THBS2: variants seen among roughly 807,000 people sequenced by gnomAD.
The protein encoded by THBS2 is thrombospondin 2, also known as thrombospondin-2.
In THBS2, 47 loss-of-function variants were observed where a neutral mutation model predicts 135.2. That is an observed-to-expected ratio of 0.35 (90% confidence interval 0.28 to 0.44). The LOEUF (loss-of-function observed/expected upper bound fraction) is 0.44, where lower values mean the gene tolerates loss of function less well. Ranked by LOEUF, THBS2 falls within the 20% of genes least tolerant of loss-of-function variation. The probability of loss-of-function intolerance (pLI) is 1.00; values close to 1 mark genes in which losing one functional copy is unlikely to be tolerated. For missense variants in THBS2, 1,288 were observed against 1,603.1 expected (o/e 0.80, Z 3.36); for synonymous variants, 639 against 633.8 (o/e 1.01, Z -0.12).
intron 13 of THBS2, among the ~76,000 whole-genome samples, chr6:169,231,207 G>A (rs905954085): frequency 1.3e-5 from 2 of 152,168 alleles, no homozygotes; most frequent in African/African-American, 4.8e-5. Flanking sequence ...TTATCTGGGT[G>A]GGCCCTAAAT....
chr6:169,242,634 A>ACTCCCACCTTCCCACCC (rs1780362130), intron 4 of THBS2, among the ~76,000 whole-genome samples: 1 of 5,640 alleles, frequency 1.8e-4, no homozygotes, highest in African/African-American at 1.3e-3. Flanking sequence ...CCTTCCCACC[A>ACTCCCACCTTCCCACCC]CTCCCACCTT....
intron 9 of THBS2, among the ~76,000 whole-genome samples, chr6:169,236,485 CTCACTCTCCACAT>C (rs1780080767): frequency 2.5e-5 from 2 of 78,742 alleles, no homozygotes; most frequent in Non-Finnish European, 3.1e-5. Flanking sequence ...CCCATCCACA[CTCACTCTCCACAT>C]TCACTCCCAT....
Position 169,232,743 on chromosome 6 carries a change from T to A in THBS2, c.1853A>T (p.His618Leu), listed in dbSNP as rs1376772655. ...GTATCGGGGCGGGCAGGGCAGGCAGTGGAAGCCAGGCTGAGTGTTGACACA... is the reference window on the plus strand; with the variant it reads ...GTATCGGGGCGGGCAGGGCAGGCAGAGGAAGCCAGGCTGAGTGTTGACACA... ...PRCVNTQPGF[H>L]CLPCPPRYRG... Residue 618 changes from histidine (H) to leucine (L), a missense_variant, in exon 12 of 22, where the codon CAC becomes CTC. Around this residue, in one of 2 missense-constraint regions of THBS2, gnomAD observed 874 missense variants for 1,156.1 expected, o/e 0.76. Transcript: ENST00000617924. 1.2e-6 allele frequency: 2 copies of A among 1,613,860 alleles called. No homozygotes were observed. Among genetic ancestry groups the A allele is most frequent in the East Asian group, 4.5e-5 (2 of 44,888 alleles).
intron 3 of THBS2, among the ~76,000 whole-genome samples, chr6:169,247,131 T>A (rs1780578584): frequency 6.6e-6 from 1 of 152,210 alleles, no homozygotes; most frequent in Non-Finnish European, 1.5e-5. Context: ...ATAGGGTTGA[T>A]TCCTTGATCA....
chr6:169,237,170 T>C lies in THBS2; in HGVS notation c.1477A>G (p.Ile493Val). The C allele has an allele frequency of 6.2e-7, 1 of 1,604,234 alleles. No homozygotes were observed. Among genetic ancestry groups the C allele is most frequent in the African/African-American group, 1.3e-5 (1 of 75,016 alleles). ...AGGGCCCCGCCTTCACCGTACTTAC[T>C]TGGGCATGGGGCGCCCTGGCAGGCT... ...TKACQGAPCP[I>V]DGRWSPWSPW... The change falls in exon 9 of 22, where the codon ATC (isoleucine) becomes GTC (valine). Residue 493 changes from isoleucine (I) to valine (V), a missense_variant and splice_region_variant. Ile to Val is a conservative substitution (Grantham distance 29). Coordinates refer to ENST00000617924, the MANE Select transcript of THBS2 (RefSeq NM_003247.5).
Position 169,222,385 on chromosome 6 carries a change from A to C in THBS2, c.3085T>G (p.Phe1029Val). 1 of 1,613,708 alleles carries C rather than the reference A, an allele frequency of 6.2e-7. No individual in the cohort carries two copies. The highest frequency in any genetic ancestry group is 8.5e-7 in the Non-Finnish European group (1 of 1,180,036). The change falls in exon 19 of 22, where the codon TTT becomes GTT. Residue 1029 changes from phenylalanine (F) to valine (V), a missense_variant. Around this residue, in one of 2 missense-constraint regions of THBS2, gnomAD observed 874 missense variants for 1,156.1 expected, o/e 0.76. Coordinates refer to ENST00000617924, the MANE Select transcript of THBS2 (RefSeq NM_003247.5). Reference protein sequence around the residue: ...DRDDDYAGFVFGYQSSSRFYV... With the variant: ...DRDDDYAGFVVGYQSSSRFYV... The stretch of plus-strand genomic sequence containing the variant: ...AAGCGGCTGCTTGACTGGTAACCAA[A>C]GACGAAGCCGGCATAGTCGTCGTCC...
chr6:169,237,431 C>T (rs948829787), intron 8 of THBS2, 85 bp from the exon 9 acceptor site: 3 of 1,538,848 alleles, frequency 1.9e-6, no homozygotes, highest in Non-Finnish European at 2.7e-6. Flanking sequence ...AACCGAGGAG[C>T]ATCTCACAGC....
intron 14 of THBS2, 69 bp downstream of exon 14, chr6:169,229,503 A>G (rs999609783): frequency 1.9e-5 from 24 of 1,252,418 alleles, no homozygotes; most frequent in Non-Finnish European, 2.7e-5. Context: ...TGTTTGGTAT[A>G]AAGTGGCCTC....
At chr6:169,227,503 ATGAAGGG>A (rs2114986368) in intron 15 of THBS2, among the ~76,000 whole-genome samples, 1 of 152,268 alleles carries the variant, frequency 6.6e-6, no homozygotes, top group African/African-American at 2.4e-5. Flanking sequence ...GAATTTTTGA[ATGAAGGG>A]TGAACATTAG....
At chr6:169,253,521 C>T (rs1780820279) in intron 1 of THBS2, among the ~76,000 whole-genome samples, 1 of 152,188 alleles carries the variant, frequency 6.6e-6, no homozygotes, top group Non-Finnish European at 1.5e-5. Flanking sequence ...GAGGAGCGGC[C>T]ACGTGCCTTG....
At chr6:169,245,111 C>T (rs986176520) in intron 4 of THBS2, among the ~76,000 whole-genome samples, 2 of 152,206 alleles carry the variant, frequency 1.3e-5, no homozygotes, top group African/African-American at 4.8e-5. Context: ...GCCTGGCCTT[C>T]GTGTGCACAC....
In THBS2 at chr6:169,222,280, A is replaced by T; in HGVS notation, c.3190T>A (p.Ser1064Thr). 2 of 1,613,242 alleles carry T rather than the reference A, an allele frequency of 1.2e-6. No homozygotes were observed. Among genetic ancestry groups the T allele is most frequent in the Non-Finnish European group, 1.7e-6 (2 of 1,180,026 alleles). Residue 1064 changes from serine (S) to threonine (T), a missense_variant, in exon 19 of 22, where the codon TCC becomes ACC. This residue lies in a region of THBS2 where 874 missense variants were observed against 1,156.1 expected (regional missense o/e 0.76). Transcript: ENST00000617924. ...PTRAYGYSGVSLKVVNSTTGT... is the reference protein window; with the variant it reads ...PTRAYGYSGVTLKVVNSTTGT... ...GTGGTGGAGTTCACCACCTTGAGGG[A>T]CACGCCGGAGTAGCCATAGGCCCGC...
Position 169,239,195 on chromosome 6 carries a change from G to A in THBS2, c.1129+404C>T, listed in dbSNP as rs1279083210. 4.9e-5 allele frequency: 9 copies of A among 181,880 alleles called. No homozygotes were observed. In the East Asian group the frequency reaches 1.2e-3, roughly 24 times the overall value. 11.3% of individuals were successfully genotyped at this position (181,880 alleles called of 1,614,324 possible). ...CTTCGGATAACAGTCTTTGGTTTTT[G>A]TTTGTCTGATTTTCTATTGTTTTTT... On this transcript the variant is annotated intron_variant, in intron 7 of 21. Transcript: ENST00000617924.
At position 169,248,891 on chromosome 6, in the gene THBS2, G is replaced by A. The variant is rs1780658826; in HGVS notation, c.135C>T (p.Phe45=). The A allele has an allele frequency of 1.2e-6, 2 of 1,613,270 alleles. No individual in the cohort carries two copies. The highest frequency in any genetic ancestry group is 2.2e-5 in the South Asian group (2 of 91,076). ...INRKTIGAKQ[F]RGPDPGVPAY... is the part of the protein sequence containing the mutation. ...CCGGCACGCCGGGGTCGGGCCCGCG[G>A]AACTGCTTGGCGCCAATGGTCTTGC... The change falls in exon 3 of 22, where the codon TTC becomes TTT. Residue 45 remains phenylalanine, a synonymous_variant. Transcript: ENST00000617924.
intron 8 of THBS2, 24 bp downstream of exon 8, chr6:169,237,600 CG>C (rs764036354): frequency 6.2e-7 from 1 of 1,610,482 alleles, no homozygotes; most frequent in South Asian, 1.1e-5. Flanking sequence ...CACAGGCACG[CG>C]GGTGTCACCT....
At chr6:169,244,817 G>T (rs913754043) in intron 4 of THBS2, among the ~76,000 whole-genome samples, 4 of 152,142 alleles carry the variant, frequency 2.6e-5, no homozygotes, top group Non-Finnish European at 5.9e-5. Context: ...CACAGTGAGG[G>T]TCGTGGTGGG....
chr6:169,238,873 T>G lies in THBS2; in HGVS notation c.1129+726A>C, dbSNP rs183966357. Among the ~76,000 whole-genome samples the G allele has an allele frequency of 1.6e-4, 25 of 152,240 alleles. No homozygotes were observed. The East Asian group carries it at 4.6e-3, about 28-fold the overall frequency. ...GTTTGGGAGAAGCGTTGCCTGATCTTAGTGCAGCAGCAACTTGGGGTGTAG... is the reference window on the plus strand; with the variant it reads ...GTTTGGGAGAAGCGTTGCCTGATCTGAGTGCAGCAGCAACTTGGGGTGTAG... On this transcript the variant is annotated intron_variant, in intron 7 of 21. Coordinates refer to ENST00000617924, the MANE Select transcript of THBS2 (RefSeq NM_003247.5).
At chr6:169,230,086 C>T (rs923889845) in intron 13 of THBS2, among the ~76,000 whole-genome samples, 13 of 152,174 alleles carry the variant, frequency 8.5e-5, no homozygotes, top group Non-Finnish European at 1.5e-5. Context: ...ACGTTTAACC[C>T]TCACCAGTCA....
intron 7 of THBS2, chr6:169,239,087 G>A (rs2115012289): frequency 6.5e-6 from 1 of 153,526 alleles, no homozygotes; most frequent in East Asian, 1.9e-4. Flanking sequence ...GGTGGCCCAG[G>A]AACCCCCAGG....
Sources: allele counts gnomAD v4.1 joint callset (sites outside exome capture counted in the v4.1 genomes callset), GRCh38; gene constraint gnomAD v4.1.1; regional missense constraint gnomAD v4.1.1; transcripts MANE v1.5; gene names NCBI Gene and HGNC (gene_info 2026-07-23, HGNC 2026-07-21).